SLC38A7: variants seen among roughly 807,000 people sequenced by gnomAD.
SLC38A7 encodes the protein solute carrier family 38 member 7, also known as sodium-coupled neutral amino acid transporter 7.
Under a neutral mutation model 50.1 loss-of-function variants are expected in SLC38A7, and 29 were observed. That is an observed-to-expected ratio of 0.58 (90% CI 0.43 to 0.79). SLC38A7 has a LOEUF of 0.79. SLC38A7 is among the 30% of genes least tolerant of loss of function. The probability of loss-of-function intolerance (pLI) is 0.00; values close to 1 mark genes in which losing one functional copy is unlikely to be tolerated. For missense variants in SLC38A7, 483 were observed against 610.6 expected (o/e 0.79, Z 2.20); for synonymous variants, 244 against 245.9 (o/e 0.99, Z 0.07).
At chr16:58,670,898 G>A (rs1348211546) in intron 10 of SLC38A7, 147 bp downstream of exon 10, 5 of 807,726 alleles carry the variant, frequency 6.2e-6, no homozygotes, top group South Asian at 1.7e-5. Context: ...TGCTTGGATA[G>A]GGGCTAGTAC....
intron 3 of SLC38A7, 111 bp from the exon 4 acceptor site, chr16:58,679,005 C>T (rs2044328960): frequency 3.7e-6 from 4 of 1,087,330 alleles, no homozygotes; most frequent in South Asian, 1.4e-5. Context: ...TGGCAAATCT[C>T]ACAAAGGCAA....
intron 2 of SLC38A7, among the ~76,000 whole-genome samples, chr16:58,682,394 A>G (rs2044409907): frequency 6.6e-6 from 1 of 151,914 alleles, no homozygotes; most frequent in South Asian, 2.1e-4. Flanking sequence ...GAGTCTCCTC[A>G]TTCCTGAGTC....
At chr16:58,677,493 A>G (rs1227060913) in intron 5 of SLC38A7, 69 bp from the exon 6 acceptor site, 1 of 1,367,788 alleles carries the variant, frequency 7.3e-7, no homozygotes, top group Non-Finnish European at 1.0e-6. Flanking sequence ...CCCTAGGGAC[A>G]TCCACCTTCA....
rs1414170691 is a variant in SLC38A7 at position 58,671,211 on chromosome 16, C to T, written c.1065G>A (p.Gln355=). Residue 355 remains glutamine, a synonymous_variant, in exon 10 of 12, where the codon CAG becomes CAA. Transcript: ENST00000219320. ...AVVEGLWLRY[Q]GVPVEEDVGR... The stretch of plus-strand genomic sequence containing the variant: ...CCACGTCCTCCTCCACTGGCACCCC[C>T]TGGTAGCGCAGCCACAGGCCTTCCA... 6.2e-7 allele frequency: 1 copy of T among 1,613,828 alleles called. No homozygotes were observed. The highest frequency in any genetic ancestry group is 1.3e-5 in the African/African-American group (1 of 74,930).
intron 6 of SLC38A7, among the ~76,000 whole-genome samples, chr16:58,676,724 T>C (rs1284413748): frequency 6.6e-6 from 1 of 152,208 alleles, no homozygotes; most frequent in Non-Finnish European, 1.5e-5. Flanking sequence ...CGATCTCGGC[T>C]CACTGCAACT....
Position 58,682,136 on chromosome 16 carries a change from G to A in SLC38A7, c.-116+1819C>T, listed in dbSNP as rs1487498175. Among the ~76,000 whole-genome samples the A allele has an allele frequency of 3.3e-5, 5 of 152,032 alleles. No individual in the cohort carries two copies. The East Asian group carries it at 9.6e-4, about 29-fold the overall frequency. ...CACGCCACTGCACTCCAGTCTGGGC[G>A]ACAGAGTGAGACTCTATCTCAAAAC... On this transcript the variant is annotated intron_variant, in intron 2 of 11. Coordinates refer to ENST00000219320, the MANE Select transcript of SLC38A7 (RefSeq NM_018231.3).
chr16:58,667,522 C>A, intron 11 of SLC38A7, 35 bp from the exon 12 acceptor site: 3 of 1,505,152 alleles, frequency 2.0e-6, no homozygotes, highest in South Asian at 2.5e-5. Flanking sequence ...TCTGATCAGT[C>A]ATCCCATCCC....
At chr16:58,674,656 T>C (rs1364239162) in intron 8 of SLC38A7, among the ~76,000 whole-genome samples, 1 of 151,930 alleles carries the variant, frequency 6.6e-6, no homozygotes, top group Non-Finnish European at 1.5e-5. Flanking sequence ...ATAATAACAA[T>C]AATAATAGTA....
Position 58,678,829 on chromosome 16 carries a change from C to T in SLC38A7, c.336G>A (p.Glu112=). 12 of 1,614,200 alleles carry T rather than the reference C, an allele frequency of 7.4e-6. No homozygotes were observed. The highest frequency in any genetic ancestry group is 1.0e-5 in the Non-Finnish European group (12 of 1,180,046). ...ILAYCSQASN[E]RTYQEVVWAV... ...CCCATACCACCTCCTGGTAGGTCCT[C>T]TCATTGCTGGCCTGGGAGCAGTAGG... Residue 112 remains glutamate (E), a synonymous_variant, in exon 4 of 12, where the codon GAG becomes GAA. Transcript: ENST00000219320. The surrounding 1 kb of genome is among the most constrained non-coding windows in gnomAD (Gnocchi z 4.0).
In SLC38A7 at chr16:58,671,054, C is replaced by T. The variant is rs745835014; in HGVS notation, c.1222G>A (p.Val408Ile). ...CGCCAGGGGTCCGCACCTGGGAAGA[C>T]GAAGATGAAGCAGGCGGCCAGGCCT... ...IGGLAACFIF[V>I]FPGLCLIQAK... The change falls in exon 10 of 12, where the codon GTC (valine) becomes ATC (isoleucine). Residue 408 changes from valine to isoleucine, a missense_variant. Coordinates refer to ENST00000219320, the MANE Select transcript of SLC38A7 (RefSeq NM_018231.3). The T allele has an allele frequency of 3.8e-6, 6 of 1,599,296 alleles. No homozygotes were observed. Among genetic ancestry groups the T allele is most frequent in the Admixed American group, 1.7e-5 (1 of 57,494 alleles).
chr16:58,676,732 A>G (rs956660270), intron 6 of SLC38A7, among the ~76,000 whole-genome samples: 1 of 152,086 alleles, frequency 6.6e-6, no homozygotes, highest in Non-Finnish European at 1.5e-5. Context: ...GCTCACTGCA[A>G]CTTCTGCCTC....
Position 58,676,349 on chromosome 16 carries a change from G to A in SLC38A7, c.711-3C>T. ...ACACAGCCATCCAGGAAGCCGGCCT[G>A]TGAACAAACACACATGGTGCTGCCA... On this transcript the variant is annotated splice_polypyrimidine_tract_variant and splice_region_variant and intron_variant, in intron 6 of 11. Transcript: ENST00000219320. 6.2e-7 allele frequency: 1 copy of A among 1,614,150 alleles called. No individual in the cohort carries two copies. The highest frequency in any genetic ancestry group is 8.5e-7 in the Non-Finnish European group (1 of 1,180,024).
At chr16:58,677,456 C>T (rs754181420) in intron 5 of SLC38A7, 32 bp from the exon 6 acceptor site, 16 of 1,591,012 alleles carry the variant, frequency 1.0e-5, no homozygotes, top group African/African-American at 1.3e-5. Flanking sequence ...GTGTCCTCAT[C>T]CCCAGCTGCC....
In SLC38A7 at chr16:58,678,710, T is replaced by C. The variant is rs769982269; in HGVS notation, c.455A>G (p.Asp152Gly). 1 of 1,613,980 alleles carries C rather than the reference T, an allele frequency of 6.2e-7. No homozygotes were observed. Among genetic ancestry groups the C allele is most frequent in the South Asian group, 1.1e-5 (1 of 91,062 alleles). The change falls in exon 4 of 12, where the codon GAC (aspartate) becomes GGC (glycine). Residue 152 changes from aspartate (D) to glycine (G), a missense_variant. Transcript: ENST00000219320. This position sits in a 1 kb window ranked among gnomAD's most constrained non-coding sequence, Gnocchi z 4.0. ...GAGAAGCTCACTCTTGTCCTGCTGG[T>C]CGCCAATGATGATTAGGAAGGCAAT... ...TCIAFLIIIG[D>G]QQDKIIAVMA... is the part of the protein sequence containing the mutation.
chr16:58,676,181 C>G (rs757874662), intron 7 of SLC38A7, 108 bp downstream of exon 7: 57 of 1,561,684 alleles, frequency 3.6e-5, no homozygotes, highest in Non-Finnish European at 4.9e-5. Context: ...TCCATCCTTC[C>G]CCCCAGGATT....
At position 58,676,163 on chromosome 16, in the gene SLC38A7, G is replaced by A. The variant is rs2044261738; in HGVS notation, c.769-109C>T. 5.3e-5 allele frequency: 82 copies of A among 1,538,990 alleles called. 1 individual carries two copies. The South Asian group carries it at 8.9e-4, about 17-fold the overall frequency. ...CCAGGAACAAGGGGCAAGTCCTGAG[G>A]CCCCTGTTCCATCCTTCCCCCCAGG... On this transcript the variant is annotated intron_variant, in intron 7 of 11. Coordinates refer to ENST00000219320, the MANE Select transcript of SLC38A7 (RefSeq NM_018231.3).
intron 11 of SLC38A7, among the ~76,000 whole-genome samples, chr16:58,669,503 A>G (rs1340965975): frequency 6.6e-6 from 1 of 152,192 alleles, no homozygotes; most frequent in Non-Finnish European, 1.5e-5. Flanking sequence ...ACACATGTAC[A>G]GAAGTGGTTG....
In SLC38A7 at chr16:58,666,083, G is replaced by A. The variant is rs2152072598; in HGVS notation, c.*1302C>T. On this transcript the variant is annotated 3_prime_UTR_variant, in exon 12 of 12. Coordinates refer to ENST00000219320, the MANE Select transcript of SLC38A7 (RefSeq NM_018231.3). The stretch of plus-strand genomic sequence containing the variant: ...CCTTTTTGTTTGTTTCTGTTTTTTT[G>A]AGATGAAGTTTCACTCTTGTTGCCC... 6.5e-6 allele frequency: 1 copy of A among 152,966 alleles called. No homozygotes were observed. The highest frequency in any genetic ancestry group is 1.5e-5 in the Non-Finnish European group (1 of 68,596). 9.5% of individuals were successfully genotyped at this position (152,966 alleles called of 1,614,324 possible). A position where few individuals can be genotyped will look rare whatever the true frequency, so the allele number is the denominator to read the frequency against.
In SLC38A7 at chr16:58,680,173, A is replaced by G; in HGVS notation, c.-47T>C. Reference sequence around the variant, plus strand: ...GCAAGGTCTGTGGGTTCTGCCTTACAACCACATGCCTCAGGGAGCTGAGCA... The same window carrying G: ...GCAAGGTCTGTGGGTTCTGCCTTACGACCACATGCCTCAGGGAGCTGAGCA... On this transcript the variant is annotated 5_prime_UTR_variant, in exon 3 of 12. Transcript: ENST00000219320. 6.7e-7 allele frequency: 1 copy of G among 1,497,440 alleles called. No individual in the cohort carries two copies. Among genetic ancestry groups the G allele is most frequent in the Non-Finnish European group, 8.9e-7 (1 of 1,123,882 alleles). The allele number at this position is 1,497,440 out of a possible 1,614,324, so 92.8% of individuals were successfully genotyped here. A position where few individuals can be genotyped will look rare whatever the true frequency, so the allele number is the denominator to read the frequency against.
Sources: allele counts gnomAD v4.1 joint callset (sites outside exome capture counted in the v4.1 genomes callset), GRCh38; gene constraint gnomAD v4.1.1; non-coding constraint Gnocchi (gnomAD v3.1); transcripts MANE v1.5; gene names NCBI Gene and HGNC (gene_info 2026-07-23, HGNC 2026-07-21).